Variants in MMRN1 observed in about 807,000 individuals in gnomAD.
MMRN1 encodes multimerin-1.
A neutral mutation model predicts 100.7 loss-of-function variants in MMRN1; 94 were observed. The observed-to-expected ratio is 0.93, with a 90% CI of 0.79 to 1.11. The LOEUF is 1.11. Among genes scored for constraint, MMRN1 ranks in the 50% least tolerant of loss-of-function variants. The probability of loss-of-function intolerance (pLI) is 0.00; values close to 1 mark genes in which losing one functional copy is unlikely to be tolerated. For synonymous variants in MMRN1, 575 were observed against 505.0 expected, an observed-to-expected ratio of 1.14 and a Z score of -1.86; for missense variants, 1,606 against 1,439.1, an observed-to-expected ratio of 1.12 and a Z score of -1.88.
intron 5 of MMRN1, among the ~76,000 whole-genome samples, chr4:89,933,549 A>G (rs1039470986): frequency 1.8e-4 from 27 of 152,218 alleles, no homozygotes; most frequent in Non-Finnish European, 4.0e-4. Flanking sequence ...TCACAGTTCC[A>G]CATGGCTGGG....
upstream of MMRN1, among the ~76,000 whole-genome samples, chr4:89,892,971 A>G (rs897222372): frequency 4.6e-5 from 7 of 152,028 alleles, no homozygotes; most frequent in Non-Finnish European, 1.0e-4. Flanking sequence ...AATTGGTGTA[A>G]AATTGAATAT....
intron 6 of MMRN1, among the ~76,000 whole-genome samples, chr4:89,937,446 G>A (rs1184997772): frequency 6.6e-6 from 1 of 152,034 alleles, no homozygotes; most frequent in South Asian, 2.1e-4. Context: ...GAGCCATAGA[G>A]GAAGCTCTAA....
chr4:89,880,398 G>C (rs1720791921), intron 1 of MMRN1, among the ~76,000 whole-genome samples: 2 of 152,092 alleles, frequency 1.3e-5, no homozygotes, highest in African/African-American at 4.8e-5. Context: ...CACAAAATCA[G>C]TGCACAAAGA....
At chr4:89,937,948 A>G (rs1722698175) in intron 6 of MMRN1, among the ~76,000 whole-genome samples, 1 of 152,084 alleles carries the variant, frequency 6.6e-6, no homozygotes, top group Admixed American at 6.6e-5. Context: ...CATATAAGTA[A>G]TATTGAATAA....
At chr4:89,905,457 G>A (rs1181628651) in intron 1 of MMRN1, among the ~76,000 whole-genome samples, 2 of 151,432 alleles carry the variant, frequency 1.3e-5, no homozygotes, top group Non-Finnish European at 3.0e-5. Flanking sequence ...GTATTCATAT[G>A]TTGTCATTTG....
chr4:89,937,667 A>G (rs1722688680), intron 6 of MMRN1, among the ~76,000 whole-genome samples: 1 of 152,000 alleles, frequency 6.6e-6, no homozygotes, highest in African/African-American at 2.4e-5. Flanking sequence ...TGATTTGCTG[A>G]GGTGCTTAGT....
rs1198203090 is a variant in MMRN1 at position 89,910,582 on chromosome 4, C to A, written c.743+1187C>A. On this transcript the variant is annotated intron_variant, in intron 2 of 7. Transcript: ENST00000264790. ...GTTTGCCAAAGCAGGAACATTGACC[C>A]CAACAATAGTTCAACTAACTGCCTG... Among the ~76,000 whole-genome samples the A allele has an allele frequency of 1.3e-5, 2 of 151,374 alleles. 1 individual carries two copies. The highest frequency in any genetic ancestry group is 3.0e-5 in the Non-Finnish European group (2 of 67,606).
At chr4:89,940,174 T>A (rs1433710667) in intron 6 of MMRN1, among the ~76,000 whole-genome samples, 3 of 152,172 alleles carry the variant, frequency 2.0e-5, no homozygotes, top group African/African-American at 7.2e-5. Flanking sequence ...TTGGCAGACT[T>A]ATCCCTGCAG....
rs1264670018 is a variant in MMRN1, at chr4:89,935,949, G to A, written c.2269G>A (p.Asp757Asn). Reference sequence around the variant, plus strand: ...AAAAGAGACTTTAAGTACTATTAAGGATAATAGTGAGATCCATCATAAATG... The same window carrying A: ...AAAAGAGACTTTAAGTACTATTAAGAATAATAGTGAGATCCATCATAAATG... ...ALKETLSTIK[D>N]NSEIHHKCTS... Residue 757 changes from aspartate (D) to asparagine (N), a missense_variant, in exon 6 of 8, where the codon GAT becomes AAT. Coordinates refer to ENST00000264790, the MANE Select transcript of MMRN1 (RefSeq NM_007351.3). The A allele has an allele frequency of 6.2e-7, 1 of 1,608,838 alleles. No individual in the cohort carries two copies. Among genetic ancestry groups the A allele is most frequent in the Non-Finnish European group, 8.5e-7 (1 of 1,176,018 alleles).
intron 5 of MMRN1, among the ~76,000 whole-genome samples, chr4:89,930,614 T>C (rs1411045129): frequency 6.6e-6 from 1 of 152,094 alleles, no homozygotes; most frequent in African/African-American, 2.4e-5. Flanking sequence ...TTTTATTATA[T>C]TTCATCAAGC....
intron 6 of MMRN1, among the ~76,000 whole-genome samples, chr4:89,949,471 C>G (rs1723091038): frequency 6.6e-6 from 1 of 152,094 alleles, no homozygotes; most frequent in Admixed American, 6.6e-5. Flanking sequence ...ACAGAATATT[C>G]ACATTACTAT....
At chr4:89,911,700 GTCAATGGCAGGTA>G (rs1474417035) in intron 2 of MMRN1, among the ~76,000 whole-genome samples, 3 of 151,308 alleles carry the variant, frequency 2.0e-5, no homozygotes, top group African/African-American at 7.3e-5. Flanking sequence ...TCTTTAGAAA[GTCAATGGCAGGTA>G]TCAATTTAAA....
intron 1 of MMRN1, among the ~76,000 whole-genome samples, chr4:89,906,001 C>A (rs1046404218): frequency 6.6e-6 from 1 of 151,208 alleles, no homozygotes; most frequent in African/African-American, 2.4e-5. Flanking sequence ...TTAGATTATC[C>A]CTTTATTTCT....
chr4:89,952,517 C>T (rs530276897), intron 7 of MMRN1, among the ~76,000 whole-genome samples: 1 of 152,264 alleles, frequency 6.6e-6, no homozygotes, highest in Admixed American at 6.5e-5. Context: ...CCTTTGTCTA[C>T]TTTGCTGCAG....
At chr4:89,889,075 G>A (rs754333937) in intron 1 of MMRN1, among the ~76,000 whole-genome samples, 1 of 152,102 alleles carries the variant, frequency 6.6e-6, no homozygotes, top group African/African-American at 2.4e-5. Flanking sequence ...TCTGTTAGCC[G>A]TTTAGTGTAG....
chr4:89,948,127 C>A (rs1578506172), intron 6 of MMRN1, among the ~76,000 whole-genome samples: 2 of 152,202 alleles, frequency 1.3e-5, no homozygotes, highest in African/African-American at 2.4e-5. Context: ...GCTAGGATTA[C>A]AGGCGTGAGC....
Position 89,888,985 on chromosome 4 carries a change from T to C in MMRN1, c.-248-5739T>C, listed in dbSNP as rs113661476. ...TTATTTTTTATTTGTCTTACAATTT[T>C]TATTGTATGAGGCATTATGCTTAAA... On this transcript the variant is annotated intron_variant, in intron 1 of 8. Coordinates refer to the MMRN1 transcript ENST00000394980. Among the ~76,000 whole-genome samples the C allele has an allele frequency of 1.8e-3, 270 of 152,268 alleles. 1 individual carries two copies. Among genetic ancestry groups the C allele is most frequent in the Non-Finnish European group, 3.1e-3 (211 of 68,004 alleles).
chr4:89,911,255 G>C (rs1200809575), intron 2 of MMRN1, among the ~76,000 whole-genome samples: 1 of 151,276 alleles, frequency 6.6e-6, no homozygotes, highest in Non-Finnish European at 1.5e-5. Context: ...CAATTTAGTA[G>C]CAGTCACTAT....
chr4:89,932,384 CA>C (rs1475501501), intron 5 of MMRN1, among the ~76,000 whole-genome samples: 1 of 152,150 alleles, frequency 6.6e-6, no homozygotes, highest in Non-Finnish European at 1.5e-5. Flanking sequence ...TGCAAGCTGT[CA>C]GTGAATCTAC....
Sources: gnomAD v4.1 joint callset for allele counts (sites outside exome capture counted in the v4.1 genomes callset) on GRCh38, gnomAD v4.1.1 for gene constraint, MANE v1.5 for transcripts, NCBI Gene and HGNC (gene_info 2026-07-23, HGNC 2026-07-21) for gene names.